The following SLC25A12 variants were observed in gnomAD, a reference collection of about 807,000 sequenced individuals.
SLC25A12 encodes the protein solute carrier family 25 member 12.
SLC25A12 carries 32 observed loss-of-function variants against 83.3 expected under a neutral mutation model. That is an observed-to-expected ratio of 0.38 (90% CI 0.29 to 0.52). SLC25A12 has a LOEUF of 0.52. Ranked by LOEUF, SLC25A12 falls within the 20% of genes least tolerant of loss-of-function variation. SLC25A12 has a pLI of 0.84. For missense variants in SLC25A12, 611 were observed against 835.6 expected (o/e 0.73, Z 3.31); for synonymous variants, 267 against 291.1 (o/e 0.92, Z 0.84).
chr2:171,872,466 G>A (rs1353545354), intron 2 of SLC25A12, among the ~76,000 whole-genome samples: 2 of 152,116 alleles, frequency 1.3e-5, no homozygotes, highest in Admixed American at 6.6e-5. Flanking sequence ...AGGCAGGAGT[G>A]AGGAAAGGCA....
intron 4 of SLC25A12, among the ~76,000 whole-genome samples, chr2:171,847,874 C>A (rs1413968429): frequency 2.0e-5 from 3 of 151,796 alleles, no homozygotes; most frequent in Non-Finnish European, 2.9e-5. Flanking sequence ...TCTCTTTGCT[C>A]AAAGGAGAGG....
chr2:171,883,971 C>T (rs924032674), intron 2 of SLC25A12, among the ~76,000 whole-genome samples: 1 of 152,022 alleles, frequency 6.6e-6, no homozygotes, highest in African/African-American at 2.4e-5. Flanking sequence ...CATGATCTTC[C>T]TTCCTCAGCC....
chr2:171,888,481 G>A (rs567455504), intron 2 of SLC25A12, among the ~76,000 whole-genome samples: 92 of 151,506 alleles, frequency 6.1e-4, no homozygotes, highest in Middle Eastern at 6.8e-3. Flanking sequence ...TCGCTCTGTC[G>A]CCCAGGCTGA....
chr2:171,850,664 C>T (rs1558931031), intron 4 of SLC25A12, among the ~76,000 whole-genome samples: 1 of 151,234 alleles, frequency 6.6e-6, no homozygotes, highest in African/African-American at 2.4e-5. Flanking sequence ...TGCACCCGGC[C>T]CAGCCAGGCT....
At chr2:171,890,806 G>A (rs138742478) in intron 2 of SLC25A12, among the ~76,000 whole-genome samples, 4 of 151,984 alleles carry the variant, frequency 2.6e-5, no homozygotes, top group East Asian at 1.9e-4. Context: ...TTCTTGCTGC[G>A]TTAGGCCTTT....
intron 5 of SLC25A12, among the ~76,000 whole-genome samples, chr2:171,839,164 T>C (rs1258460688): frequency 6.6e-6 from 1 of 152,186 alleles, no homozygotes; most frequent in African/African-American, 2.4e-5. Context: ...AGACATTTCC[T>C]TTTTTAAAAA....
At chr2:171,791,143 G>A (rs1683444911) in intron 15 of SLC25A12, among the ~76,000 whole-genome samples, 1 of 152,030 alleles carries the variant, frequency 6.6e-6, no homozygotes, top group South Asian at 2.1e-4. Flanking sequence ...GCTTAGCTTG[G>A]CTGTACTCAA....
intron 6 of SLC25A12, among the ~76,000 whole-genome samples, chr2:171,836,012 C>T (rs1410963048): frequency 6.6e-6 from 1 of 152,118 alleles, no homozygotes; most frequent in African/African-American, 2.4e-5. Flanking sequence ...GAGTCCCTTC[C>T]CACTAAGGTA....
At chr2:171,876,726 CATAAT>C (rs1255679020) in intron 2 of SLC25A12, among the ~76,000 whole-genome samples, 4 of 152,264 alleles carry the variant, frequency 2.6e-5, no homozygotes, top group African/African-American at 9.6e-5. Flanking sequence ...TTAATAGTTT[CATAAT>C]ATAATTTTCA....
At chr2:171,825,109 T>C (rs932512487) in intron 9 of SLC25A12, among the ~76,000 whole-genome samples, 2 of 152,186 alleles carry the variant, frequency 1.3e-5, no homozygotes, top group African/African-American at 4.8e-5. Context: ...GTACCCAGCC[T>C]GGAAATAAAC....
chr2:171,865,778 C>CTACTT (rs1283759632), intron 3 of SLC25A12, among the ~76,000 whole-genome samples: 2 of 151,916 alleles, frequency 1.3e-5, no homozygotes, highest in Non-Finnish European at 2.9e-5. Context: ...AGAATTTGAC[C>CTACTT]TATAAAGTGG....
chr2:171,887,344 C>A (rs1179486870), intron 2 of SLC25A12, among the ~76,000 whole-genome samples: 2 of 151,970 alleles, frequency 1.3e-5, no homozygotes, highest in East Asian at 1.9e-4. Flanking sequence ...GAAAAAAGAA[C>A]AAAATTAAAA....
At chr2:171,786,098 G>A (rs761088497) in intron 17 of SLC25A12, among the ~76,000 whole-genome samples, 12 of 151,938 alleles carry the variant, frequency 7.9e-5, no homozygotes, top group African/African-American at 2.2e-4. Context: ...GAGATAGGCC[G>A]GGCATGGTGG....
At chr2:171,806,395 C>T (rs186614982) in intron 13 of SLC25A12, among the ~76,000 whole-genome samples, 45 of 152,222 alleles carry the variant, frequency 3.0e-4, no homozygotes, top group African/African-American at 1.1e-3. Flanking sequence ...GTGGAGGCTG[C>T]GGTGGGCCGA....
Position 171,785,143 on chromosome 2 carries a change from T to C in SLC25A12, c.*131A>G, listed in dbSNP as rs1690463065. 5.0e-6 allele frequency: 4 copies of C among 794,078 alleles called. No homozygotes were observed. The highest frequency in any genetic ancestry group is 2.0e-5 in the Admixed American group (1 of 49,860). 49.2% of individuals were successfully genotyped at this position (794,078 alleles called of 1,614,324 possible). ...TATTTTATAAACAAGTATATGTATA[T>C]GTCATACAGAAAGAAGAGTTTGACT... is the stretch of plus-strand genomic sequence containing the variant. On this transcript the variant is annotated 3_prime_UTR_variant, in exon 18 of 18. Transcript: ENST00000422440.
chr2:171,796,497 TA>T (rs1207648088), intron 13 of SLC25A12, among the ~76,000 whole-genome samples: 3 of 152,204 alleles, frequency 2.0e-5, no homozygotes, highest in Admixed American at 2.0e-4. Context: ...TAATGATTTG[TA>T]TATGTTTTAA....
At chr2:171,786,011 T>C (rs1284783091) in intron 17 of SLC25A12, among the ~76,000 whole-genome samples, 1 of 152,114 alleles carries the variant, frequency 6.6e-6, no homozygotes, top group East Asian at 1.9e-4. Flanking sequence ...AGTATATATT[T>C]TTCTTTTGAC....
At chr2:171,814,072 G>A (rs1050600210) in intron 10 of SLC25A12, among the ~76,000 whole-genome samples, 1 of 151,926 alleles carries the variant, frequency 6.6e-6, no homozygotes, top group East Asian at 1.9e-4. Flanking sequence ...CTCAGGGAAT[G>A]AAAATTTATT....
At chr2:171,875,683 A>C (rs2105923375) in intron 2 of SLC25A12, among the ~76,000 whole-genome samples, 1 of 151,128 alleles carries the variant, frequency 6.6e-6, no homozygotes, top group African/African-American at 2.4e-5. Flanking sequence ...GGAGGCGGAG[A>C]CGGGTGGATC....
Sources: gnomAD v4.1 joint callset for allele counts (sites outside exome capture counted in the v4.1 genomes callset) on GRCh38, gnomAD v4.1.1 for gene constraint, MANE v1.5 for transcripts, NCBI Gene and HGNC (gene_info 2026-07-23, HGNC 2026-07-21) for gene names.